The following KIAA0319 variants were observed in gnomAD, a reference collection of about 807,000 sequenced individuals.
KIAA0319 encodes the protein dyslexia-associated protein KIAA0319.
In KIAA0319, 83 loss-of-function variants were observed where a neutral mutation model predicts 108.4. That is an observed-to-expected ratio of 0.77 (90% CI 0.64 to 0.92). KIAA0319 has a LOEUF of 0.92. Ranked by LOEUF, KIAA0319 falls within the 40% of genes least tolerant of loss-of-function variation. The pLI is 0.00. For missense variants in KIAA0319, 1,195 were observed against 1,322.4 expected, an observed-to-expected ratio of 0.90 and a Z score of 1.49; for synonymous variants, 484 against 510.4, an observed-to-expected ratio of 0.95 and a Z score of 0.70.
rs535340700 is a variant in KIAA0319, at chr6:24,639,964, T to C, written c.-106+5772A>G. Among the ~76,000 whole-genome samples, 331 of 151,682 alleles carry C rather than the reference T, an allele frequency of 2.2e-3. 1 individual carries two copies. The highest frequency in any genetic ancestry group is 7.6e-3 in the African/African-American group (316 of 41,366). On this transcript the variant is annotated intron_variant, in intron 1 of 20. Transcript: ENST00000378214. ...TTATTCAAACTAAAATGTCAAATAA[T>C]AATGAAGTGAAAGATGACAGAGAGG...
chr6:24,627,305 T>A (rs1410205654), intron 1 of KIAA0319, among the ~76,000 whole-genome samples: 1 of 152,160 alleles, frequency 6.6e-6, no homozygotes, highest in Non-Finnish European at 1.5e-5. Context: ...GATGTTACAA[T>A]TAGAGATCAC....
In KIAA0319 at chr6:24,554,621, T is replaced by A. The variant is rs369134381; in HGVS notation, c.2868A>T (p.Ile956=). The change falls in exon 19 of 21, where the codon ATA becomes ATT. Residue 956 remains isoleucine, a synonymous_variant. Coordinates refer to ENST00000378214, the MANE Select transcript of KIAA0319 (RefSeq NM_014809.4). ...WDGESNCEWS[I]FYVTVLAFTL... Reference sequence around the variant, plus strand: ...TAAAAGCCAACACTGTCACATAGAATATACTCCACTCTGAAACACAAGAAA... The same window carrying A: ...TAAAAGCCAACACTGTCACATAGAAAATACTCCACTCTGAAACACAAGAAA... The A allele has an allele frequency of 1.2e-6, 2 of 1,612,572 alleles. No individual in the cohort carries two copies. The highest frequency in any genetic ancestry group is 1.7e-6 in the Non-Finnish European group (2 of 1,178,982).
At chr6:24,601,258 T>C (rs2127534921) in intron 1 of KIAA0319, 50 bp from the exon 2 acceptor site, 1 of 1,463,186 alleles carries the variant, frequency 6.8e-7, no homozygotes, top group Non-Finnish European at 9.0e-7. Context: ...TAGGTAAATG[T>C]AGAAACATCC....
At chr6:24,578,408 G>A (rs1185374707) in intron 8 of KIAA0319, among the ~76,000 whole-genome samples, 166 bp from the exon 9 acceptor site, 1 of 152,266 alleles carries the variant, frequency 6.6e-6, no homozygotes, top group South Asian at 2.1e-4. Flanking sequence ...TCCTACTCCC[G>A]AAATTATATC....
At chr6:24,542,764 A>C (rs1369874776), downstream of KIAA0319, among the ~76,000 whole-genome samples, 4 of 152,216 alleles carry the variant, frequency 2.6e-5, no homozygotes, top group Non-Finnish European at 4.4e-5. Context: ...GATGTCACAC[A>C]CATGTACTGA....
In KIAA0319 at chr6:24,568,806, G is replaced by A; in HGVS notation, c.2115C>T (p.Ser705=). The change falls in exon 13 of 21, where the codon TCC becomes TCT. Residue 705 remains serine, a synonymous_variant. Transcript: ENST00000378214. The part of the protein sequence containing the change: ...VKDQQGLSST[S]TLTVAVKKEN... ...CCTTCTTCACAGCCACAGTGAGGGT[G>A]GACGTGCTGCTCAGTCCCTGCTGGT... 6.2e-7 allele frequency: 1 copy of A among 1,614,130 alleles called. No homozygotes were observed. The highest frequency in any genetic ancestry group is 8.5e-7 in the Non-Finnish European group (1 of 1,180,008).
intron 1 of KIAA0319, among the ~76,000 whole-genome samples, chr6:24,607,898 A>G (rs1245805223): frequency 6.6e-6 from 1 of 152,238 alleles, no homozygotes; most frequent in East Asian, 1.9e-4. Context: ...ATAACTTTGC[A>G]GTCCCCAACT....
In KIAA0319 at chr6:24,568,892, C is replaced by T; in HGVS notation, c.2029G>A (p.Ala677Thr). 1 of 1,614,180 alleles carries T rather than the reference C, an allele frequency of 6.2e-7. No individual in the cohort carries two copies. Among genetic ancestry groups the T allele is most frequent in the Non-Finnish European group, 8.5e-7 (1 of 1,180,018 alleles). The change falls in exon 13 of 21, where the codon GCA (alanine) becomes ACA (threonine). Residue 677 changes from alanine (A) to threonine (T), a missense_variant. Transcript: ENST00000378214. The part of the protein sequence containing the change: ...SAVEMENIDK[A>T]IATVTGLQVG... ...TGGAGACCAGTCACAGTGGCTATTGCTTTGTCAATATTTTCCATCTCCACT... is the reference window on the plus strand; with the variant it reads ...TGGAGACCAGTCACAGTGGCTATTGTTTTGTCAATATTTTCCATCTCCACT...
At chr6:24,602,682 T>C (rs1032699003) in intron 1 of KIAA0319, among the ~76,000 whole-genome samples, 9 of 152,172 alleles carry the variant, frequency 5.9e-5, no homozygotes, top group African/African-American at 2.2e-4. Flanking sequence ...GCGCCTGTAG[T>C]CCCAGCTACT....
intron 20 of KIAA0319, among the ~76,000 whole-genome samples, chr6:24,549,762 T>C (rs1384417202): frequency 6.6e-6 from 1 of 152,124 alleles, no homozygotes; most frequent in Non-Finnish European, 1.5e-5. Flanking sequence ...TAAATACCTG[T>C]TTATTATTAC....
At chr6:24,587,876 C>T (rs1325715517) in intron 4 of KIAA0319, among the ~76,000 whole-genome samples, 2 of 152,254 alleles carry the variant, frequency 1.3e-5, no homozygotes. Context: ...GCGTGAGCCA[C>T]CGGGCTCATC....
Position 24,576,446 on chromosome 6 carries a change from C to G in KIAA0319, c.1656G>C (p.Gln552His), listed in dbSNP as rs745840909. Residue 552 changes from glutamine to histidine, a missense_variant, in exon 10 of 21, where the codon CAG (glutamine) becomes CAC (histidine). Physicochemically the swap from Gln to His is conservative, Grantham distance 24 (BLOSUM62 0). Transcript: ENST00000378214. ...PQNSITLNGN[Q>H]SSDDHQIVLY... Reference sequence around the variant, plus strand: ...GGACAATCTGGTGATCGTCACTGCTCTGGTTTCCATTCAAAGTGATGGAGT... The same window carrying G: ...GGACAATCTGGTGATCGTCACTGCTGTGGTTTCCATTCAAAGTGATGGAGT... 2.5e-6 allele frequency: 4 copies of G among 1,614,010 alleles called. No individual in the cohort carries two copies. Among genetic ancestry groups the G allele is most frequent in the Non-Finnish European group, 3.4e-6 (4 of 1,180,034 alleles).
intron 10 of KIAA0319, among the ~76,000 whole-genome samples, chr6:24,575,663 T>G (rs1229686322): frequency 6.6e-6 from 1 of 152,036 alleles, no homozygotes; most frequent in Non-Finnish European, 1.5e-5. Context: ...GATTTTATCT[T>G]AAATACTAAT....
intron 1 of KIAA0319, among the ~76,000 whole-genome samples, chr6:24,642,338 T>C (rs890989749): frequency 4.6e-5 from 7 of 151,278 alleles, no homozygotes; most frequent in Non-Finnish European, 7.4e-5. Flanking sequence ...TTGAAAAAAT[T>C]TTGAAGGTAA....
At chr6:24,558,365 C>CTAGATAGA (rs59328032) in intron 17 of KIAA0319, among the ~76,000 whole-genome samples, 11,435 of 150,796 alleles carry the variant, frequency 0.076, 470 homozygotes, top group East Asian at 0.13. Context: ...ATATATATAT[C>CTAGATAGA]TAGATAGATA....
intron 4 of KIAA0319, among the ~76,000 whole-genome samples, chr6:24,584,918 C>T (rs962763427): frequency 6.6e-6 from 1 of 152,162 alleles, no homozygotes; most frequent in Admixed American, 6.6e-5. Flanking sequence ...ACTCCCAGGC[C>T]AGTTTCTTTT....
Position 24,619,087 on chromosome 6 carries a change from GA to G in KIAA0319, c.-105-17880del, listed in dbSNP as rs376345469. Among the ~76,000 whole-genome samples the G allele has an allele frequency of 5.6e-3, 858 of 152,316 alleles. 5 individuals are homozygous for G. Among genetic ancestry groups the G allele is most frequent in the Middle Eastern group, 0.024 (7 of 294 alleles). On this transcript the variant is annotated intron_variant, in intron 1 of 20. Coordinates refer to ENST00000378214, the MANE Select transcript of KIAA0319 (RefSeq NM_014809.4). ...TGCCTGTGTATTGCAGGAACAGCAA[GA>G]GGGTCAGCATCGCTAGAAAAGGGAA... is the stretch of plus-strand genomic sequence containing the variant.
In KIAA0319 at chr6:24,569,967, T is replaced by C. The variant is rs1581979472; in HGVS notation, c.1927A>G (p.Thr643Ala). The change falls in exon 12 of 21, where the codon ACC (threonine) becomes GCC (alanine). Residue 643 changes from threonine (T) to alanine (A), a missense_variant. Coordinates refer to ENST00000378214, the MANE Select transcript of KIAA0319 (RefSeq NM_014809.4). ...KELIFPVESA[T>A]LDGSSSSDDH... ...TCGCTGCTGCTGCTCCCATCCAGGG[T>C]AGCACTTTCCACTGGGAAGATCAGC... is the stretch of plus-strand genomic sequence containing the variant. 2 of 1,613,924 alleles carry C rather than the reference T, an allele frequency of 1.2e-6. No individual in the cohort carries two copies. The highest frequency in any genetic ancestry group is 4.5e-5 in the East Asian group (2 of 44,882).
At position 24,580,961 on chromosome 6, in the gene KIAA0319, A is replaced by G. The variant is rs1766426954; in HGVS notation, c.1244T>C (p.Phe415Ser). 1.2e-6 allele frequency: 2 copies of G among 1,612,936 alleles called. No individual in the cohort carries two copies. Among genetic ancestry groups the G allele is most frequent in the African/African-American group, 1.3e-5 (1 of 74,880 alleles). ...AGTGACATTGACAAATCCTTCTCCAAAGGCGTTTTCACTAGAAACAGTGAC... is the reference window on the plus strand; with the variant it reads ...AGTGACATTGACAAATCCTTCTCCAGAGGCGTTTTCACTAGAAACAGTGAC... ...FKVTVSSENA[F>S]GEGFVNVTVK... Residue 415 changes from phenylalanine (F) to serine (S), a missense_variant, in exon 7 of 21, where the codon TTT becomes TCT. Transcript: ENST00000378214.
Sources: allele counts gnomAD v4.1 joint callset (sites outside exome capture counted in the v4.1 genomes callset), GRCh38; gene constraint gnomAD v4.1.1; transcripts MANE v1.5; gene names NCBI Gene and HGNC (gene_info 2026-07-23, HGNC 2026-07-21).